Variants in BANK1 observed in about 807,000 individuals in gnomAD.
BANK1 encodes B-cell scaffold protein with ankyrin repeats.
A neutral mutation model predicts 94.5 loss-of-function variants in BANK1; 95 were observed. That is an observed-to-expected ratio of 1.00 (90% CI 0.85 to 1.19). BANK1 has a LOEUF of 1.19. Ranked by LOEUF, BANK1 falls within the 50% of genes most tolerant of loss-of-function variation. The probability of loss-of-function intolerance (pLI) is 0.00; values close to 1 mark genes in which losing one functional copy is unlikely to be tolerated. For missense variants in BANK1, 987 were observed against 932.2 expected, an observed-to-expected ratio of 1.06 and a Z score of -0.77; for synonymous variants, 334 against 308.4, an observed-to-expected ratio of 1.08 and a Z score of -0.87.
At chr4:101,986,240 G>T (rs906498887) in intron 7 of BANK1, among the ~76,000 whole-genome samples, 1 of 152,080 alleles carries the variant, frequency 6.6e-6, no homozygotes, top group Non-Finnish European at 1.5e-5. Context: ...AGACACACAT[G>T]TTCCTAAAAT....
At chr4:101,927,265 G>A (rs1054727391) in intron 7 of BANK1, among the ~76,000 whole-genome samples, 1 of 151,662 alleles carries the variant, frequency 6.6e-6, no homozygotes, top group Non-Finnish European at 1.5e-5. Context: ...CAGATCTTAT[G>A]AGAACTCATT....
At chr4:101,949,257 A>C (rs978828399) in intron 7 of BANK1, among the ~76,000 whole-genome samples, 1 of 152,144 alleles carries the variant, frequency 6.6e-6, no homozygotes, top group Non-Finnish European at 1.5e-5. Flanking sequence ...ATCTTGAAGA[A>C]CACAGAGAAG....
intron 2 of BANK1, among the ~76,000 whole-genome samples, chr4:101,840,005 G>T (rs1726980777): frequency 1.0e-5 from 1 of 97,536 alleles, no homozygotes; most frequent in African/African-American, 4.0e-5. Flanking sequence ...GTCTCGCTCT[G>T]TCGCCCAGGC....
chr4:101,990,024 G>A (rs1725649937), intron 7 of BANK1, among the ~76,000 whole-genome samples: 1 of 152,078 alleles, frequency 6.6e-6, no homozygotes, highest in South Asian at 2.1e-4. Flanking sequence ...AAATTAGAAA[G>A]ACACTAATTA....
intron 4 of BANK1, 105 bp downstream of exon 4, chr4:101,862,769 G>T (rs1727929015): frequency 5.8e-6 from 7 of 1,199,802 alleles, no homozygotes; most frequent in Admixed American, 3.5e-5. Context: ...ATATTGTTCT[G>T]CAGGTGTTTC....
intron 7 of BANK1, among the ~76,000 whole-genome samples, chr4:101,996,404 A>G (rs1279509636): frequency 1.3e-5 from 2 of 152,166 alleles, no homozygotes; most frequent in Admixed American, 6.6e-5. Context: ...TGTCTTAGCT[A>G]TATGGGCTCT....
At chr4:101,800,730 T>G (rs1725331309) in intron 1 of BANK1, among the ~76,000 whole-genome samples, 1 of 152,202 alleles carries the variant, frequency 6.6e-6, no homozygotes, top group Non-Finnish European at 1.5e-5. Flanking sequence ...TGTTACACGT[T>G]ACTTGTTTCA....
intron 7 of BANK1, among the ~76,000 whole-genome samples, chr4:101,991,496 A>C (rs1725705045): frequency 6.6e-6 from 1 of 152,200 alleles, no homozygotes; most frequent in Non-Finnish European, 1.5e-5. Flanking sequence ...AAGGGTTAAA[A>C]AGATATAGAG....
At chr4:101,914,834 C>T (rs1722778691) in intron 6 of BANK1, among the ~76,000 whole-genome samples, 1 of 152,164 alleles carries the variant, frequency 6.6e-6, no homozygotes, top group Non-Finnish European at 1.5e-5. Context: ...CACTTCAGCA[C>T]TGTACTTGGG....
intron 7 of BANK1, among the ~76,000 whole-genome samples, chr4:102,009,479 A>G (rs760156141): frequency 3.3e-5 from 5 of 152,212 alleles, no homozygotes; most frequent in Admixed American, 6.5e-5. Flanking sequence ...TGCCACCCTG[A>G]GGCTTGCACA....
intron 7 of BANK1, among the ~76,000 whole-genome samples, chr4:101,964,136 T>C (rs1199914900): frequency 1.3e-5 from 2 of 152,148 alleles, no homozygotes; most frequent in African/African-American, 4.8e-5. Context: ...TATATGCTTT[T>C]ATTCAATCGA....
rs1238473726 is a variant in BANK1 at position 102,074,700 on chromosome 4, C to T, written c.*701C>T. On this transcript the variant is annotated 3_prime_UTR_variant, in exon 17 of 17. Coordinates refer to ENST00000322953, the MANE Select transcript of BANK1 (RefSeq NM_017935.5). ...AGCAATGTTATCGTCATATAATTTT[C>T]ATGTACAAATGCCACAAATAAATTG... 1 of 151,924 alleles carries T rather than the reference C, an allele frequency of 6.6e-6. No homozygotes were observed. Among genetic ancestry groups the T allele is most frequent in the Admixed American group, 6.6e-5 (1 of 15,254 alleles). The allele number at this position is 151,924 out of a possible 1,614,324, so 9.4% of individuals were successfully genotyped here. A position where few individuals can be genotyped will look rare whatever the true frequency, so the allele number is the denominator to read the frequency against.
chr4:101,811,588 G>A (rs1190101437), intron 1 of BANK1, among the ~76,000 whole-genome samples: 2 of 151,192 alleles, frequency 1.3e-5, no homozygotes, highest in Admixed American at 6.7e-5. Flanking sequence ...TGTGTTTATG[G>A]TTTTGTAATT....
intron 1 of BANK1, among the ~76,000 whole-genome samples, chr4:101,811,382 G>T (rs1339903337): frequency 6.6e-6 from 1 of 151,910 alleles, no homozygotes; most frequent in Non-Finnish European, 1.5e-5. Context: ...AGTTGGGATA[G>T]GATCATATGG....
At chr4:101,858,248 A>G (rs1727752067) in intron 3 of BANK1, among the ~76,000 whole-genome samples, 1 of 152,190 alleles carries the variant, frequency 6.6e-6, no homozygotes, top group South Asian at 2.1e-4. Flanking sequence ...TTTGATTGTC[A>G]TAACTAGGGG....
intron 6 of BANK1, among the ~76,000 whole-genome samples, chr4:101,907,178 A>G (rs1722484207): frequency 1.3e-5 from 2 of 152,168 alleles, no homozygotes; most frequent in Non-Finnish European, 2.9e-5. Context: ...GTGGCTTAAG[A>G]ATGCCTTTAT....
At chr4:101,903,389 A>G (rs1055718074) in intron 6 of BANK1, among the ~76,000 whole-genome samples, 1 of 152,202 alleles carries the variant, frequency 6.6e-6, no homozygotes, top group Non-Finnish European at 1.5e-5. Context: ...TAATTTAACA[A>G]TCTGAGTTCT....
intron 1 of BANK1, among the ~76,000 whole-genome samples, chr4:101,816,363 G>A (rs1725917299): frequency 6.6e-6 from 1 of 151,942 alleles, no homozygotes; most frequent in Non-Finnish European, 1.5e-5. Flanking sequence ...TTCTTAGTTT[G>A]TTCAATGTAG....
At chr4:101,870,906 C>T (rs1283457525) in intron 5 of BANK1, among the ~76,000 whole-genome samples, 2 of 151,940 alleles carry the variant, frequency 1.3e-5, no homozygotes, top group African/African-American at 4.8e-5. Context: ...CATTTTAAAG[C>T]TGTTACAAGC....
Sources: allele counts gnomAD v4.1 joint callset (sites outside exome capture counted in the v4.1 genomes callset), GRCh38; gene constraint gnomAD v4.1.1; transcripts MANE v1.5; gene names NCBI Gene and HGNC (gene_info 2026-07-23, HGNC 2026-07-21).